Variants in CRB1 observed in about 807,000 individuals in gnomAD.
CRB1 encodes crumbs cell polarity complex component 1.
A neutral mutation model predicts 120.0 loss-of-function variants in CRB1; 83 were observed. The ratio of observed to expected loss-of-function variants is 0.69; its 90% confidence interval spans 0.58 to 0.83. CRB1 has a LOEUF of 0.83. CRB1 is among the 40% of genes least tolerant of loss of function. CRB1 has a pLI of 0.00. For missense variants in CRB1, 1,699 were observed against 1,687.6 expected, an observed-to-expected ratio of 1.01 and a Z score of -0.12; for synonymous variants, 625 against 612.5, an observed-to-expected ratio of 1.02 and a Z score of -0.30.
At chr1:197,393,158 T>C (rs1662595623) in intron 5 of CRB1, among the ~76,000 whole-genome samples, 1 of 151,996 alleles carries the variant, frequency 6.6e-6, no homozygotes, top group Non-Finnish European at 1.5e-5. Flanking sequence ...TAGATTAACA[T>C]CTAAAAGCAC....
intron 5 of CRB1, among the ~76,000 whole-genome samples, chr1:197,383,196 T>A (rs556458878): frequency 3.0e-4 from 45 of 152,256 alleles, no homozygotes; most frequent in Non-Finnish European, 4.7e-4. Context: ...GCTTGTAGGA[T>A]CTTTTAGTCA....
intron 5 of CRB1, among the ~76,000 whole-genome samples, chr1:197,414,589 T>C (rs1663875553): frequency 1.3e-5 from 2 of 152,168 alleles, no homozygotes; most frequent in Admixed American, 1.3e-4. Flanking sequence ...ATTAAATTAA[T>C]TGACTTTAAG....
chr1:197,470,794 C>T (rs927314171), intron 11 of CRB1, among the ~76,000 whole-genome samples: 3 of 152,196 alleles, frequency 2.0e-5, no homozygotes, highest in Admixed American at 2.0e-4. Flanking sequence ...ACTGTTTGGC[C>T]CACCACTCTA....
chr1:197,291,653 T>G (rs371018449), intron 1 of CRB1, among the ~76,000 whole-genome samples: 1 of 151,996 alleles, frequency 6.6e-6, no homozygotes, highest in South Asian at 2.1e-4. Flanking sequence ...TATATTTGTC[T>G]TTTCAGTTTC....
chr1:197,416,138 C>G (rs764115053), intron 5 of CRB1, among the ~76,000 whole-genome samples: 3 of 152,148 alleles, frequency 2.0e-5, no homozygotes, highest in Non-Finnish European at 4.4e-5. Context: ...CTTGCACTAT[C>G]ATTTAGTTTT....
intron 10 of CRB1, 47 bp downstream of exon 10, chr1:197,438,722 T>G: frequency 6.2e-7 from 1 of 1,605,598 alleles, no homozygotes; most frequent in Non-Finnish European, 8.5e-7. Flanking sequence ...AGCTAAAGAA[T>G]GATGGGATTA....
the CRB1 span, among the ~76,000 whole-genome samples, chr1:197,254,342 A>G: frequency 1.3e-5 from 2 of 152,212 alleles, 1 homozygote; most frequent in South Asian, 4.1e-4. Flanking sequence ...ATAGCAAGAT[A>G]CAAGAAAAAA....
At chr1:197,452,820 C>A (rs576446586) in intron 11 of CRB1, among the ~76,000 whole-genome samples, 1 of 152,044 alleles carries the variant, frequency 6.6e-6, no homozygotes, top group South Asian at 2.1e-4. Context: ...GAAGTTTCCC[C>A]AAAAAATTAA....
At chr1:197,252,464 T>C in the CRB1 span, among the ~76,000 whole-genome samples, 1 of 142,438 alleles carries the variant, frequency 7.0e-6, no homozygotes, top group East Asian at 2.2e-4. Flanking sequence ...ATTATCATTC[T>C]TAAACTTAAA....
chr1:197,322,427 C>T (rs1571836917), intron 1 of CRB1, among the ~76,000 whole-genome samples: 1 of 151,698 alleles, frequency 6.6e-6, no homozygotes, highest in East Asian at 1.9e-4. Context: ...CGCACCACTG[C>T]ACTCCAGCCT....
chr1:197,302,535 G>A (rs890322583), intron 1 of CRB1, among the ~76,000 whole-genome samples: 3 of 152,066 alleles, frequency 2.0e-5, no homozygotes, highest in East Asian at 1.9e-4. Context: ...ACCTAAAAAA[G>A]GCTAATATAC....
chr1:197,466,059 A>T lies in CRB1; in HGVS notation c.4006-11605A>T, dbSNP rs949743506. 2.6e-5 allele frequency among the ~76,000 whole-genome samples: 4 copies of T among 152,242 alleles called. No homozygotes were observed. In the East Asian group the frequency reaches 7.7e-4, roughly 29 times the overall value. ...TCTGGTCAATAAAACACAACCTCCA[A>T]AGTTGGGCCTGGGGCAAAGCTGACA... On this transcript the variant is annotated intron_variant, in intron 11 of 11. Transcript: ENST00000367400.
chr1:197,453,968 TAATAA>T (rs1160292058), intron 11 of CRB1, among the ~76,000 whole-genome samples: 4 of 116,338 alleles, frequency 3.4e-5, no homozygotes, highest in African/African-American at 1.5e-4. Flanking sequence ...ATTATATTAT[TAATAA>T]TATATATTAT....
intron 11 of CRB1, among the ~76,000 whole-genome samples, chr1:197,453,310 T>C (rs1666059535): frequency 5.4e-5 from 1 of 18,522 alleles, no homozygotes; most frequent in Admixed American, 1.2e-3. Context: ...TAAGTATATA[T>C]ATTTATATAT....
chr1:197,442,734 T>C, intron 11 of CRB1: 1 of 290,972 alleles, frequency 3.4e-6, no homozygotes, highest in South Asian at 6.0e-5. Flanking sequence ...TCCCACTCCA[T>C]TTCTGGGTAT....
chr1:197,425,657 C>A (rs1380819402), intron 6 of CRB1, among the ~76,000 whole-genome samples: 1 of 152,118 alleles, frequency 6.6e-6, no homozygotes, highest in Non-Finnish European at 1.5e-5. Context: ...CACAATTAAA[C>A]ACTCCCTCCT....
chr1:197,476,710 A>G (rs1667214445), intron 11 of CRB1, among the ~76,000 whole-genome samples: 1 of 152,186 alleles, frequency 6.6e-6, no homozygotes, highest in Non-Finnish European at 1.5e-5. Context: ...CACAGATTTC[A>G]TTTGTAATAG....
chr1:197,354,973 G>A (rs1007969192), intron 4 of CRB1, among the ~76,000 whole-genome samples: 5 of 150,328 alleles, frequency 3.3e-5, no homozygotes, highest in East Asian at 2.0e-4. Context: ...TTCAAACCTC[G>A]AGCTAGACAC....
chr1:197,214,078 C>T, the CRB1 span, among the ~76,000 whole-genome samples: 1 of 151,620 alleles, frequency 6.6e-6, no homozygotes, highest in Non-Finnish European at 1.5e-5. Flanking sequence ...GAAAAAAAAT[C>T]AACGAAACTA....
Sources: allele counts gnomAD v4.1 joint callset (sites outside exome capture counted in the v4.1 genomes callset), GRCh38; gene constraint gnomAD v4.1.1; transcripts MANE v1.5; gene names NCBI Gene and HGNC (gene_info 2026-07-23, HGNC 2026-07-21).